The following PDS5A variants were observed in gnomAD, a reference collection of about 807,000 sequenced individuals.
PDS5A encodes PDS5 cohesin associated factor A.
A neutral mutation model predicts 167.1 loss-of-function variants in PDS5A; 42 were observed. The observed-to-expected ratio is 0.25, with a 90% CI of 0.20 to 0.33. PDS5A has a LOEUF of 0.33. Among genes scored for constraint, PDS5A ranks in the 10% least tolerant of loss-of-function variants. The pLI is 1.00. For synonymous variants in PDS5A, 553 were observed against 554.6 expected, an observed-to-expected ratio of 1.00 and a Z score of 0.04; for missense variants, 1,033 against 1,605.9, an observed-to-expected ratio of 0.64 and a Z score of 6.10.
chr4:39,932,089 C>T (rs1052457234), intron 2 of PDS5A, among the ~76,000 whole-genome samples: 1 of 152,054 alleles, frequency 6.6e-6, no homozygotes. Context: ...GACAGGATTT[C>T]ACCACGTTGG....
intron 14 of PDS5A, among the ~76,000 whole-genome samples, chr4:39,899,846 T>A (rs1202984432): frequency 1.6e-5 from 2 of 125,178 alleles, no homozygotes; most frequent in Admixed American, 8.3e-5. Context: ...TAAGATCCTG[T>A]GTATTAAAAA....
chr4:39,927,242 A>C (rs1181333055), intron 3 of PDS5A, among the ~76,000 whole-genome samples: 1 of 152,150 alleles, frequency 6.6e-6, no homozygotes, highest in East Asian at 1.9e-4. Flanking sequence ...ATTACCTACA[A>C]GTAAATAGTA....
chr4:39,901,595 T>A (rs1722893778), intron 13 of PDS5A, among the ~76,000 whole-genome samples: 2 of 152,102 alleles, frequency 1.3e-5, no homozygotes, highest in African/African-American at 4.8e-5. Flanking sequence ...AATCTAATAA[T>A]GCAGGAACAC....
intron 2 of PDS5A, among the ~76,000 whole-genome samples, chr4:39,949,343 GAA>G (rs1450156001): frequency 6.7e-6 from 1 of 150,176 alleles, no homozygotes; most frequent in Non-Finnish European, 1.5e-5. Context: ...ATGACTGGGC[GAA>G]ATGTTATGCT....
At chr4:39,956,931 C>CTTT (rs1283023250) in intron 2 of PDS5A, among the ~76,000 whole-genome samples, 2 of 152,142 alleles carry the variant, frequency 1.3e-5, no homozygotes, top group African/African-American at 4.8e-5. Context: ...CCTCAGCCTC[C>CTTT]CAAAGTGCTG....
At chr4:39,939,241 C>T (rs750072056) in intron 2 of PDS5A, among the ~76,000 whole-genome samples, 1 of 152,052 alleles carries the variant, frequency 6.6e-6, no homozygotes, top group Non-Finnish European at 1.5e-5. Flanking sequence ...GCAGGAAAAT[C>T]GCTTGAGCCC....
At position 39,844,729 on chromosome 4, in the gene PDS5A, T is replaced by G; in HGVS notation, c.3475A>C (p.Ser1159Arg). The G allele has an allele frequency of 6.2e-7, 1 of 1,613,700 alleles. No homozygotes were observed. The highest frequency in any genetic ancestry group is 8.5e-7 in the Non-Finnish European group (1 of 1,179,666). Reference protein sequence around the residue: ...SATGRKPYVRSTGTETGSNIN... With the variant: ...SATGRKPYVRRTGTETGSNIN... ...TTGCTTCCAGTCTCAGTGCCAGTGC[T>G]TCTAACATAGGGTTTCCTTCCCGTT... The change falls in exon 30 of 33, where the codon AGC becomes CGC. Residue 1159 changes from serine (S) to arginine (R), a missense_variant. By Grantham distance (110) the Ser-to-Arg change is moderately radical. Coordinates refer to ENST00000303538, the MANE Select transcript of PDS5A (RefSeq NM_001100399.2).
At chr4:39,944,708 A>G (rs200735601) in intron 2 of PDS5A, among the ~76,000 whole-genome samples, 1 of 151,784 alleles carries the variant, frequency 6.6e-6, no homozygotes, top group Non-Finnish European at 1.5e-5. Flanking sequence ...AAAAAAAAAA[A>G]AAACAAAAAG....
intron 19 of PDS5A, among the ~76,000 whole-genome samples, chr4:39,875,280 A>T (rs1263539683): frequency 6.6e-6 from 1 of 151,974 alleles, no homozygotes; most frequent in African/African-American, 2.4e-5. Flanking sequence ...TAAAAAATAG[A>T]CAAACACATC....
At chr4:39,881,922 A>C (rs1188694075) in intron 17 of PDS5A, among the ~76,000 whole-genome samples, 2 of 152,190 alleles carry the variant, frequency 1.3e-5, no homozygotes, top group Non-Finnish European at 2.9e-5. Context: ...GTGGTACTGA[A>C]TAAATCTCAG....
At chr4:39,866,658 T>TTC (rs1481842670) in intron 23 of PDS5A, among the ~76,000 whole-genome samples, 1 of 152,240 alleles carries the variant, frequency 6.6e-6, no homozygotes, top group African/African-American at 2.4e-5. Context: ...AAAGTTCCTC[T>TTC]TCTTTAGGAA....
At chr4:39,932,810 A>C (rs896108596) in intron 2 of PDS5A, 3 of 151,330 alleles carry the variant, frequency 2.0e-5, no homozygotes, top group African/African-American at 7.3e-5. Context: ...AGCCTGGGCT[A>C]CAGGAGCAAG....
intron 12 of PDS5A, 56 bp from the exon 13 acceptor site, chr4:39,902,516 G>T (rs878863959): frequency 1.2e-6 from 1 of 832,086 alleles, no homozygotes; most frequent in Admixed American, 2.7e-5. Flanking sequence ...CCATTTTTAA[G>T]AAGCAATTTT....
intron 26 of PDS5A, among the ~76,000 whole-genome samples, chr4:39,851,761 C>G (rs1718143078): frequency 6.6e-6 from 1 of 152,130 alleles, no homozygotes; most frequent in African/African-American, 2.4e-5. Context: ...CAACACTGAA[C>G]ACATCGGTTC....
Position 39,898,448 on chromosome 4 carries a change from A to C in PDS5A, c.1711T>G (p.Ser571Ala). 6.3e-7 allele frequency: 1 copy of C among 1,599,398 alleles called. No individual in the cohort carries two copies. The highest frequency in any genetic ancestry group is 8.5e-7 in the Non-Finnish European group (1 of 1,172,274). The part of the protein sequence containing the change: ...QVLGDDEKLR[S>A]QLELLISPTC... ...GGGCTAATTAATAACTCCAACTGAG[A>C]CCGAAGTTTCTCATCATCGCCGAGA... The change falls in exon 16 of 33, where the codon TCT (serine) becomes GCT (alanine). Residue 571 changes from serine to alanine, a missense_variant. Coordinates refer to ENST00000303538, the MANE Select transcript of PDS5A (RefSeq NM_001100399.2).
At chr4:39,851,476 G>A (rs1718118490) in intron 26 of PDS5A, among the ~76,000 whole-genome samples, 1 of 152,142 alleles carries the variant, frequency 6.6e-6, no homozygotes, top group Admixed American at 6.5e-5. Flanking sequence ...TTTTTATAGA[G>A]CTGGGGTTTC....
intron 5 of PDS5A, among the ~76,000 whole-genome samples, chr4:39,924,419 A>T (rs1725276577): frequency 6.6e-6 from 1 of 152,272 alleles, no homozygotes; most frequent in Non-Finnish European, 1.5e-5. Context: ...CAAATGCCAC[A>T]GAAGTTTCTT....
intron 27 of PDS5A, 55 bp downstream of exon 27, chr4:39,849,465 G>A: frequency 1.8e-6 from 2 of 1,097,236 alleles, no homozygotes; most frequent in Non-Finnish European, 2.6e-6. Context: ...AACCAAGTGG[G>A]ACAATATATT....
intron 20 of PDS5A, 65 bp from the exon 21 acceptor site, chr4:39,873,209 C>G (rs1720194439): frequency 2.0e-6 from 2 of 1,006,618 alleles, no homozygotes; most frequent in Non-Finnish European, 2.7e-6. Flanking sequence ...TCTACTGAAA[C>G]AGTACATTTT....
Sources: gnomAD v4.1 joint callset for allele counts (sites outside exome capture counted in the v4.1 genomes callset) on GRCh38, gnomAD v4.1.1 for gene constraint, MANE v1.5 for transcripts, NCBI Gene and HGNC (gene_info 2026-07-23, HGNC 2026-07-21) for gene names.